The following HCN1 variants were observed in gnomAD, a reference collection of about 807,000 sequenced individuals.
HCN1 encodes the protein hyperpolarization activated cyclic nucleotide gated potassium channel 1.
HCN1 carries 13 observed loss-of-function variants against 78.9 expected under a neutral mutation model. The observed-to-expected ratio is 0.16, with a 90% CI of 0.11 to 0.26. The LOEUF (loss-of-function observed/expected upper bound fraction) is 0.26. HCN1 is among the 10% of genes least tolerant of loss of function. The probability of loss-of-function intolerance (pLI) is 1.00; values close to 1 mark genes in which losing one functional copy is unlikely to be tolerated. For missense variants in HCN1, 810 were observed against 1,154.3 expected, an observed-to-expected ratio of 0.70 and a Z score of 4.32; for synonymous variants, 552 against 455.5, an observed-to-expected ratio of 1.21 and a Z score of -2.70.
At chr5:45,449,582 T>C (rs148997342) in intron 3 of HCN1, among the ~76,000 whole-genome samples, 91 of 152,154 alleles carry the variant, frequency 6.0e-4, no homozygotes, top group Non-Finnish European at 4.6e-4. Context: ...TAGTATGCTG[T>C]TAATAACACT....
At chr5:45,359,348 C>T (rs1396830557) in intron 4 of HCN1, among the ~76,000 whole-genome samples, 1 of 150,720 alleles carries the variant, frequency 6.6e-6, no homozygotes, top group African/African-American at 2.4e-5. Flanking sequence ...ATCCCCATGT[C>T]TCAAATCTAT....
intron 5 of HCN1, among the ~76,000 whole-genome samples, chr5:45,351,221 G>A (rs898268317): frequency 2.8e-4 from 43 of 151,610 alleles, no homozygotes; most frequent in East Asian, 5.8e-4. Context: ...AAATAATGCC[G>A]CATATCTACA....
At chr5:45,640,525 G>A (rs374865450) in intron 2 of HCN1, among the ~76,000 whole-genome samples, 1 of 151,712 alleles carries the variant, frequency 6.6e-6, no homozygotes, top group Non-Finnish European at 1.5e-5. Flanking sequence ...TGACTGTCAC[G>A]ATAGAGTGTG....
intron 2 of HCN1, chr5:45,643,469 T>C (rs1745492243): frequency 6.6e-6 from 1 of 152,148 alleles, no homozygotes; most frequent in Non-Finnish European, 1.5e-5. Context: ...CAGTCTTACT[T>C]AAGAAAAGTT....
chr5:45,524,992 G>T (rs1375793423), intron 2 of HCN1, among the ~76,000 whole-genome samples: 1 of 152,040 alleles, frequency 6.6e-6, no homozygotes, highest in African/African-American at 2.4e-5. Flanking sequence ...TTGGCTGTGG[G>T]TTTGTCATAA....
chr5:45,372,638 T>C (rs891802012), intron 4 of HCN1, among the ~76,000 whole-genome samples: 1 of 74,726 alleles, frequency 1.3e-5, no homozygotes, highest in African/African-American at 1.1e-4. Context: ...TAAAACATTT[T>C]ATATAAAAAT....
At chr5:45,478,460 A>C (rs1480984884) in intron 2 of HCN1, among the ~76,000 whole-genome samples, 2 of 152,198 alleles carry the variant, frequency 1.3e-5, no homozygotes, top group Non-Finnish European at 2.9e-5. Context: ...GCTTGTCCGA[A>C]GAGGAACAAG....
chr5:45,341,966 T>C (rs1162289025), intron 5 of HCN1, among the ~76,000 whole-genome samples: 7 of 152,102 alleles, frequency 4.6e-5, no homozygotes, highest in Admixed American at 4.6e-4. Context: ...CTGTTTGACT[T>C]ATTTTTGTTT....
At chr5:45,346,882 C>T (rs2134045) in intron 5 of HCN1, among the ~76,000 whole-genome samples, 1 of 152,182 alleles carries the variant, frequency 6.6e-6, no homozygotes, top group African/African-American at 2.4e-5. Context: ...TGGGTGGAGC[C>T]CACCACAGCT....
intron 2 of HCN1, among the ~76,000 whole-genome samples, chr5:45,573,509 AT>A (rs1207428842): frequency 1.3e-5 from 2 of 151,998 alleles, no homozygotes; most frequent in Non-Finnish European, 2.9e-5. Flanking sequence ...CTGTAACACT[AT>A]CCTTTTCTTA....
intron 4 of HCN1, among the ~76,000 whole-genome samples, chr5:45,373,463 C>G (rs971983834): frequency 6.6e-5 from 9 of 135,630 alleles, no homozygotes; most frequent in Admixed American, 5.7e-4. Context: ...ATATTATATA[C>G]ATTATATACA....
At chr5:45,640,274 C>T (rs981847240) in intron 2 of HCN1, among the ~76,000 whole-genome samples, 12 of 152,164 alleles carry the variant, frequency 7.9e-5, no homozygotes, top group African/African-American at 2.4e-4. Flanking sequence ...TATTATTTAA[C>T]GGATTTAGAA....
Position 45,618,073 on chromosome 5 carries a change from T to C in HCN1, c.849+27112A>G, listed in dbSNP as rs899973063. 4.1e-5 allele frequency among the ~76,000 whole-genome samples: 6 copies of C among 147,614 alleles called. No individual in the cohort carries two copies. The East Asian group carries it at 1.2e-3, about 29-fold the overall frequency. On this transcript the variant is annotated intron_variant, in intron 2 of 7. Transcript: ENST00000303230. ...CAGATGGGAAATTCAGATATAATAG[T>C]TTAGGAATGATGAAAAAGATAAAGT...
chr5:45,258,841 G>A lies in HCN1; in HGVS notation c.*3080C>T, dbSNP rs967843420. On this transcript the variant is annotated 3_prime_UTR_variant, in exon 8 of 8. Coordinates refer to ENST00000303230, the MANE Select transcript of HCN1 (RefSeq NM_021072.4). ...GTTATAAAACTATTATAACAAAATA[G>A]GTATGTCATAGAACTATTATAACAA... The A allele has an allele frequency of 6.6e-5, 10 of 151,546 alleles. No individual in the cohort carries two copies. The highest frequency in any genetic ancestry group is 2.2e-4 in the African/African-American group (9 of 41,292). The allele number at this position is 151,546 out of a possible 1,614,324, so 9.4% of individuals were successfully genotyped here. A position where few individuals can be genotyped will look rare whatever the true frequency, so the allele number is the denominator to read the frequency against.
intron 5 of HCN1, among the ~76,000 whole-genome samples, chr5:45,340,218 G>C (rs1746548196): frequency 6.6e-6 from 1 of 152,140 alleles, no homozygotes. Flanking sequence ...ACCATGTCCG[G>C]CTGGGAAGAA....
rs1409931315 is a variant in HCN1 at position 45,456,577 on chromosome 5, C to T, written c.1011+5269G>A. Among the ~76,000 whole-genome samples, 3 of 151,902 alleles carry T rather than the reference C, an allele frequency of 2.0e-5. No individual in the cohort carries two copies. The East Asian group carries it at 5.8e-4, about 29-fold the overall frequency. Reference sequence around the variant, plus strand: ...TTAAATTATTTTGATTATAATGTTACTCAAATAAATACAAGTATAAAACTA... The same window carrying T: ...TTAAATTATTTTGATTATAATGTTATTCAAATAAATACAAGTATAAAACTA... On this transcript the variant is annotated intron_variant, in intron 3 of 7. Coordinates refer to ENST00000303230, the MANE Select transcript of HCN1 (RefSeq NM_021072.4).
At chr5:45,316,541 A>C (rs919005395) in intron 5 of HCN1, among the ~76,000 whole-genome samples, 3 of 152,136 alleles carry the variant, frequency 2.0e-5, no homozygotes, top group African/African-American at 7.2e-5. Flanking sequence ...CCTATTCAAC[A>C]TAGTGTTGGA....
chr5:45,626,802 GA>G (rs1745170287), intron 2 of HCN1, among the ~76,000 whole-genome samples: 1 of 152,042 alleles, frequency 6.6e-6, no homozygotes, highest in African/African-American at 2.4e-5. Context: ...TAAGTTATCA[GA>G]AGGTTTCATT....
intron 2 of HCN1, among the ~76,000 whole-genome samples, chr5:45,581,469 T>C (rs1308953792): frequency 2.0e-5 from 3 of 152,220 alleles, no homozygotes; most frequent in Admixed American, 2.0e-4. Context: ...ATTCTGTAGG[T>C]TGCCTGTTCA....
Sources: allele counts gnomAD v4.1 joint callset (sites outside exome capture counted in the v4.1 genomes callset), GRCh38; gene constraint gnomAD v4.1.1; transcripts MANE v1.5; gene names NCBI Gene and HGNC (gene_info 2026-07-23, HGNC 2026-07-21).